PTPRD: variants seen among roughly 807,000 people sequenced by gnomAD.
The protein encoded by PTPRD is protein tyrosine phosphatase receptor type D, also known as receptor-type tyrosine-protein phosphatase delta.
Under a neutral mutation model 214.5 loss-of-function variants are expected in PTPRD, and 34 were observed. The ratio of observed to expected loss-of-function variants is 0.16; its 90% CI spans 0.12 to 0.21. The LOEUF is 0.21. Among genes scored for constraint, PTPRD ranks in the 10% least tolerant of loss-of-function variants. PTPRD has a pLI of 1.00. For missense variants in PTPRD, 2,545 were observed against 2,398.7 expected (o/e 1.06, Z -1.27); for synonymous variants, 1,128 against 845.7 (o/e 1.33, Z -5.79).
intron 9 of PTPRD, among the ~76,000 whole-genome samples, chr9:9,370,083 TG>T (rs1189174590): frequency 1.3e-5 from 2 of 152,182 alleles, no homozygotes; most frequent in African/African-American, 4.8e-5. Context: ...AGGATTGACT[TG>T]GCGATGCGGG....
At chr9:8,330,858 T>TAA (rs1554698659) in intron 44 of PTPRD, among the ~76,000 whole-genome samples, 1 of 152,094 alleles carries the variant, frequency 6.6e-6, no homozygotes, top group African/African-American at 2.4e-5. Flanking sequence ...AGTTTCACCA[T>TAA]AAAAAGATTA....
At chr9:10,411,444 C>A (rs2098435493) in intron 2 of PTPRD, among the ~76,000 whole-genome samples, 1 of 151,772 alleles carries the variant, frequency 6.6e-6, no homozygotes, top group Non-Finnish European at 1.5e-5. Context: ...ATTTCTCCTT[C>A]ATTTGCTTAA....
intron 11 of PTPRD, among the ~76,000 whole-genome samples, chr9:8,915,570 T>A (rs947987645): frequency 6.6e-6 from 1 of 152,170 alleles, no homozygotes; most frequent in Non-Finnish European, 1.5e-5. Context: ...CATATACATA[T>A]GTATCCCAAG....
At chr9:10,012,632 C>G (rs2096625144) in intron 4 of PTPRD, among the ~76,000 whole-genome samples, 1 of 151,736 alleles carries the variant, frequency 6.6e-6, no homozygotes, top group African/African-American at 2.4e-5. Context: ...ATTTCGTTAC[C>G]CAAGACTAGC....
intron 10 of PTPRD, among the ~76,000 whole-genome samples, chr9:9,138,684 C>T (rs531584381): frequency 1.3e-5 from 2 of 152,118 alleles, no homozygotes; most frequent in South Asian, 2.1e-4. Context: ...ACAAATTGAA[C>T]GTTATGAGCA....
chr9:8,523,342 G>A (rs563448830), intron 19 of PTPRD, among the ~76,000 whole-genome samples, 171 bp downstream of exon 19: 1 of 152,226 alleles, frequency 6.6e-6, no homozygotes, highest in East Asian at 1.9e-4. Flanking sequence ...ATGCACCACA[G>A]TTAGATACCA....
At chr9:10,225,187 T>C (rs1322603990) in intron 3 of PTPRD, among the ~76,000 whole-genome samples, 1 of 151,972 alleles carries the variant, frequency 6.6e-6, no homozygotes, top group South Asian at 2.1e-4. Context: ...TACAGTCTTA[T>C]ATAAATGAAT....
At chr9:8,710,896 G>A (rs1355028646) in intron 12 of PTPRD, among the ~76,000 whole-genome samples, 2 of 152,086 alleles carry the variant, frequency 1.3e-5, no homozygotes, top group Admixed American at 1.3e-4. Flanking sequence ...ACTTTAGGCT[G>A]AAATAAAAAT....
intron 5 of PTPRD, among the ~76,000 whole-genome samples, chr9:9,823,267 C>A (rs947117321): frequency 6.6e-6 from 1 of 151,904 alleles, no homozygotes; most frequent in African/African-American, 2.4e-5. Flanking sequence ...AGGAAGCTTA[C>A]AATCATGATG....
intron 9 of PTPRD, among the ~76,000 whole-genome samples, chr9:9,255,597 C>T (rs932092436): frequency 5.3e-4 from 81 of 152,158 alleles, no homozygotes; most frequent in African/African-American, 1.9e-3. Flanking sequence ...AGTTTGTTCA[C>T]ACTCCCTCTC....
At chr9:8,955,942 C>T (rs2099129359) in intron 11 of PTPRD, among the ~76,000 whole-genome samples, 1 of 151,874 alleles carries the variant, frequency 6.6e-6, no homozygotes, top group Admixed American at 6.6e-5. Flanking sequence ...TGTCTCCATA[C>T]TATTTATATT....
At chr9:8,416,068 A>C (rs3896024) in intron 35 of PTPRD, among the ~76,000 whole-genome samples, 1 of 151,742 alleles carries the variant, frequency 6.6e-6, no homozygotes, top group Non-Finnish European at 1.5e-5. Context: ...AGAAAGCCTT[A>C]AAAGTGAAAA....
intron 30 of PTPRD, among the ~76,000 whole-genome samples, chr9:8,472,779 T>C (rs975265971): frequency 3.3e-5 from 5 of 152,204 alleles, no homozygotes; most frequent in African/African-American, 1.2e-4. Context: ...AAACTTAAAA[T>C]GTCACATGTG....
intron 3 of PTPRD, among the ~76,000 whole-genome samples, chr9:10,328,625 C>T (rs2096690980): frequency 6.6e-6 from 1 of 151,662 alleles, no homozygotes; most frequent in African/African-American, 2.4e-5. Context: ...TGGAGGTAAA[C>T]ATTAAAAATG....
intron 3 of PTPRD, among the ~76,000 whole-genome samples, chr9:10,219,064 G>T (rs1425273796): frequency 6.6e-6 from 1 of 151,742 alleles, no homozygotes; most frequent in East Asian, 1.9e-4. Context: ...TCAAAGCTGT[G>T]CCACAAGCTG....
At chr9:10,481,203 G>A (rs913377778) in intron 2 of PTPRD, among the ~76,000 whole-genome samples, 3 of 152,162 alleles carry the variant, frequency 2.0e-5, no homozygotes, top group African/African-American at 2.4e-5. Flanking sequence ...TAAGGGCATA[G>A]ACGGTATATG....
At chr9:8,336,642 A>G (rs1847113146) in intron 43 of PTPRD, among the ~76,000 whole-genome samples, 1 of 151,476 alleles carries the variant, frequency 6.6e-6, no homozygotes, top group East Asian at 1.9e-4. Context: ...AAAAAAAAAA[A>G]AAAACTACCA....
chr9:8,802,880 C>A (rs1354232966), intron 11 of PTPRD, among the ~76,000 whole-genome samples: 1 of 152,082 alleles, frequency 6.6e-6, no homozygotes, highest in East Asian at 1.9e-4. Context: ...AGCAAGATCA[C>A]ATCTCTACAA....
At chr9:10,535,054 G>T (rs1294567821) in intron 2 of PTPRD, among the ~76,000 whole-genome samples, 1 of 152,148 alleles carries the variant, frequency 6.6e-6, no homozygotes, top group Non-Finnish European at 1.5e-5. Context: ...TACAGCTGGG[G>T]GATGGCAGGT....
Sources: gnomAD v4.1 joint callset for allele counts (sites outside exome capture counted in the v4.1 genomes callset) on GRCh38, gnomAD v4.1.1 for gene constraint, MANE v1.5 for transcripts, NCBI Gene and HGNC (gene_info 2026-07-23, HGNC 2026-07-21) for gene names.